SAMMSON: variants seen among roughly 807,000 people sequenced by gnomAD.
SAMMSON encodes long intergenic non-protein coding RNA 1212.
intron 2 of SAMMSON, among the ~76,000 whole-genome samples, chr3:70,418,772 T>C (rs1174854295): frequency 1.3e-5 from 2 of 152,204 alleles, no homozygotes; most frequent in African/African-American, 4.8e-5. Context: ...TTCTTTTCAA[T>C]TGTTCCTCTC....
Position 70,039,592 on chromosome 3 carries a change from TTC to T in SAMMSON, n.417+25921_417+25922del, listed in dbSNP as rs1491393592. Among the ~76,000 whole-genome samples, 435 of 90,182 alleles carry T rather than the reference TTC, an allele frequency of 4.8e-3. 5 individuals carry two copies. Among genetic ancestry groups the T allele is most frequent in the African/African-American group, 0.016 (388 of 23,640 alleles). 59.2% of individuals were successfully genotyped at this position (90,182 alleles called of 152,430 possible). ...GATCCAATTCCTTAAAACACATCTC[TTC>T]ACACACACACACACACACACACACA... On this transcript the variant is annotated intron_variant and non_coding_transcript_variant, in intron 3 of 9. Transcript: ENST00000642114.
chr3:70,063,977 C>T (rs2067200458), intron 3 of SAMMSON, among the ~76,000 whole-genome samples: 1 of 152,088 alleles, frequency 6.6e-6, no homozygotes, highest in African/African-American at 2.4e-5. Flanking sequence ...GATCTCACCT[C>T]CTAATTCCTA....
At chr3:70,345,030 A>G (rs892556952) in intron 7 of SAMMSON, among the ~76,000 whole-genome samples, 2 of 152,236 alleles carry the variant, frequency 1.3e-5, no homozygotes, top group African/African-American at 4.8e-5. Context: ...ATGTGTGTAT[A>G]CTAACTCATA....
At chr3:70,232,059 T>A (rs1230967886) in intron 4 of SAMMSON, among the ~76,000 whole-genome samples, 1 of 152,194 alleles carries the variant, frequency 6.6e-6, no homozygotes, top group Non-Finnish European at 1.5e-5. Context: ...CACTTTGTTA[T>A]TCTGACATAA....
chr3:70,418,196 A>G (rs951046805), intron 2 of SAMMSON, among the ~76,000 whole-genome samples: 5 of 152,214 alleles, frequency 3.3e-5, no homozygotes, highest in African/African-American at 1.2e-4. Flanking sequence ...TCAGAGGAGC[A>G]GTGTACAATG....
intron 3 of SAMMSON, among the ~76,000 whole-genome samples, chr3:70,016,570 T>G (rs1254731566): frequency 2.0e-5 from 3 of 152,082 alleles, no homozygotes; most frequent in Non-Finnish European, 4.4e-5. Context: ...TCTTTTGCTG[T>G]GCAGAAGCTC....
intron 4 of SAMMSON, among the ~76,000 whole-genome samples, chr3:70,109,446 C>T (rs898612207): frequency 5.9e-5 from 9 of 152,172 alleles, no homozygotes; most frequent in Admixed American, 3.3e-4. Context: ...ATAGCACATA[C>T]AGAGGTGCTT....
intron 3 of SAMMSON, among the ~76,000 whole-genome samples, chr3:70,022,279 G>GT (rs2107580997): frequency 7.1e-6 from 1 of 140,864 alleles, no homozygotes; most frequent in African/African-American, 2.6e-5. Flanking sequence ...GTTGCCGGGT[G>GT]GGGGGAGGGA....
chr3:70,432,623 C>T (rs568155868), intron 2 of SAMMSON, among the ~76,000 whole-genome samples: 13 of 151,962 alleles, frequency 8.6e-5, no homozygotes, highest in African/African-American at 3.1e-4. Flanking sequence ...TTAGTATGGT[C>T]CATTTGTTAA....
chr3:70,060,869 C>A (rs1393326071), intron 3 of SAMMSON, among the ~76,000 whole-genome samples: 1 of 151,934 alleles, frequency 6.6e-6, no homozygotes, highest in Non-Finnish European at 1.5e-5. Context: ...GTTAGACAGG[C>A]CATACTGTAG....
chr3:70,061,871 A>G (rs1304776030), intron 3 of SAMMSON, among the ~76,000 whole-genome samples: 2 of 152,112 alleles, frequency 1.3e-5, no homozygotes, highest in African/African-American at 4.8e-5. Context: ...TGATTCTGCC[A>G]TCTCCCAAGT....
chr3:70,278,402 T>A (rs1347919159), intron 6 of SAMMSON, among the ~76,000 whole-genome samples: 1 of 152,096 alleles, frequency 6.6e-6, no homozygotes, highest in Non-Finnish European at 1.5e-5. Context: ...TTGGTTGACA[T>A]AAACACTGGG....
intron 4 of SAMMSON, among the ~76,000 whole-genome samples, chr3:70,087,938 C>A (rs2067291774): frequency 6.6e-6 from 1 of 152,104 alleles, no homozygotes; most frequent in Admixed American, 6.6e-5. Flanking sequence ...GAAACCTAGC[C>A]ATTTTTTAGT....
At chr3:70,221,466 G>A (rs1701459571) in intron 4 of SAMMSON, among the ~76,000 whole-genome samples, 1 of 152,182 alleles carries the variant, frequency 6.6e-6, no homozygotes, top group African/African-American at 2.4e-5. Context: ...TGGGCATTTG[G>A]ATTCTACAGC....
At chr3:70,290,510 T>G in intron 6 of SAMMSON, among the ~76,000 whole-genome samples, 1 of 152,170 alleles carries the variant, frequency 6.6e-6, no homozygotes, top group Admixed American at 6.5e-5. Context: ...TGGCTGTCTT[T>G]TTGTTTGTCT....
chr3:70,336,859 GA>G (rs1401422960), intron 7 of SAMMSON, among the ~76,000 whole-genome samples: 19 of 119,122 alleles, frequency 1.6e-4, no homozygotes, highest in Non-Finnish European at 3.1e-4. Flanking sequence ...TGTGTGTGTG[GA>G]GAGAGAGAGA....
chr3:70,200,712 C>G (rs1011992709), intron 4 of SAMMSON, among the ~76,000 whole-genome samples: 1 of 152,154 alleles, frequency 6.6e-6, no homozygotes, highest in African/African-American at 2.4e-5. Context: ...AAAGCCATAT[C>G]TCTCTCTCTG....
chr3:70,377,168 C>T (rs1703024527), intron 9 of SAMMSON, among the ~76,000 whole-genome samples: 1 of 152,000 alleles, frequency 6.6e-6, no homozygotes, highest in African/African-American at 2.4e-5. Flanking sequence ...ATCTGAATGT[C>T]CATGTGGAAG....
intron 6 of SAMMSON, chr3:70,271,955 G>A (rs1701979738): frequency 6.6e-6 from 1 of 152,182 alleles, no homozygotes; most frequent in Admixed American, 6.6e-5. Flanking sequence ...TAGAGACAAC[G>A]TTTCATCATG....
Sources: allele counts gnomAD v4.1 joint callset (sites outside exome capture counted in the v4.1 genomes callset), GRCh38; gene constraint gnomAD v4.1.1; transcripts MANE v1.5; gene names NCBI Gene and HGNC (gene_info 2026-07-23, HGNC 2026-07-21).